Variants in LIPI observed in about 807,000 individuals in gnomAD.
LIPI encodes lipase I, also known as lipase member I.
A neutral mutation model predicts 50.6 loss-of-function variants in LIPI; 59 were observed. The ratio of observed to expected loss-of-function variants is 1.16; its 90% CI spans 0.94 to 1.45. The LOEUF is 1.45. Ranked by LOEUF, LIPI falls within the 40% of genes most tolerant of loss-of-function variation. The pLI is 0.00. For missense variants in LIPI, 586 were observed against 536.3 expected (o/e 1.09, Z -0.92); for synonymous variants, 203 against 178.2 (o/e 1.14, Z -1.11).
intron 9 of LIPI, among the ~76,000 whole-genome samples, chr21:14,142,418 T>G (rs550238755): frequency 6.7e-6 from 1 of 150,336 alleles, no homozygotes; most frequent in Non-Finnish European, 1.5e-5. Flanking sequence ...ATGGCTTAAT[T>G]ATAGATTATA....
Position 14,128,163 on chromosome 21 carries a change from A to T in LIPI, c.1295+16460T>A, listed in dbSNP as rs552984928. ...ACTGTGTCATATAATGTAAAAAATT[A>T]AATGCATGTTTCAACTGTAACATAT... On this transcript the variant is annotated intron_variant, in intron 9 of 9. Transcript: ENST00000681601. Among the ~76,000 whole-genome samples, 6 of 152,218 alleles carry T rather than the reference A, an allele frequency of 3.9e-5. No individual in the cohort carries two copies. The South Asian group carries it at 1.2e-3, about 32-fold the overall frequency.
intron 1 of LIPI, among the ~76,000 whole-genome samples, chr21:14,193,688 A>G (rs188923601): frequency 1.3e-5 from 2 of 152,124 alleles, no homozygotes; most frequent in African/African-American, 4.8e-5. Flanking sequence ...AGAAGAAAAC[A>G]AGGGGGAAAC....
At chr21:14,113,774 T>C (rs1046506003) in intron 9 of LIPI, among the ~76,000 whole-genome samples, 1 of 152,206 alleles carries the variant, frequency 6.6e-6, no homozygotes, top group Non-Finnish European at 1.5e-5. Context: ...TGTAATTGAC[T>C]CACAGTTCAG....
At chr21:14,120,270 C>A (rs2016813334) in intron 9 of LIPI, among the ~76,000 whole-genome samples, 1 of 152,190 alleles carries the variant, frequency 6.6e-6, no homozygotes, top group African/African-American at 2.4e-5. Context: ...GCTCGGTGGC[C>A]AAGGCCCGCC....
intron 9 of LIPI, among the ~76,000 whole-genome samples, chr21:14,111,166 GT>G (rs1273067043): frequency 6.6e-6 from 1 of 151,802 alleles, no homozygotes; most frequent in Admixed American, 6.6e-5. Context: ...TTTCCAAACT[GT>G]TTTTCCTAAC....
At chr21:14,164,785 T>C (rs75644087) in intron 6 of LIPI, among the ~76,000 whole-genome samples, 1 of 152,218 alleles carries the variant, frequency 6.6e-6, no homozygotes, top group African/African-American at 2.4e-5. Flanking sequence ...CCATGTTTCA[T>C]GTCTACTTGG....
intron 1 of LIPI, among the ~76,000 whole-genome samples, chr21:14,204,000 G>A (rs1568887218): frequency 1.3e-5 from 2 of 151,674 alleles, no homozygotes; most frequent in East Asian, 3.9e-4. Flanking sequence ...AAAACCAAAT[G>A]CCACATGTTC....
chr21:14,163,367 G>A, intron 7 of LIPI, 52 bp downstream of exon 7: 1 of 847,486 alleles, frequency 1.2e-6, no homozygotes, highest in East Asian at 2.4e-5. Flanking sequence ...ATGTAGATTA[G>A]TGCAAAAAAA....
chr21:14,202,832 T>C lies in LIPI; in HGVS notation c.46+7968A>G, dbSNP rs1185549027. Among the ~76,000 whole-genome samples the C allele has an allele frequency of 9.9e-5, 15 of 151,534 alleles. No homozygotes were observed. The East Asian group carries it at 2.9e-3, about 29-fold the overall frequency. On this transcript the variant is annotated intron_variant, in intron 1 of 9. Coordinates refer to ENST00000681601, the MANE Select transcript of LIPI (RefSeq NM_001302998.2). ...GGCAACAAAAGCCAAAACTGACAAA[T>C]GGGATCTAATTAAACTAAAGAGCTT...
At chr21:14,207,815 T>C (rs2020265217) in intron 1 of LIPI, among the ~76,000 whole-genome samples, 1 of 152,240 alleles carries the variant, frequency 6.6e-6, no homozygotes. Flanking sequence ...CAGTGGATTA[T>C]TCTAACCTAA....
intron 8 of LIPI, among the ~76,000 whole-genome samples, chr21:14,145,879 C>A (rs1378311067): frequency 6.6e-6 from 1 of 152,110 alleles, no homozygotes; most frequent in Non-Finnish European, 1.5e-5. Context: ...TGATTCCTTG[C>A]AGCAGTTAGA....
At chr21:14,159,705 T>C (rs2018397364) in intron 7 of LIPI, among the ~76,000 whole-genome samples, 1 of 151,430 alleles carries the variant, frequency 6.6e-6, no homozygotes, top group Non-Finnish European at 1.5e-5. Flanking sequence ...AAAGCATTCT[T>C]ATTTGCAGAA....
intron 9 of LIPI, among the ~76,000 whole-genome samples, chr21:14,134,699 C>G (rs1359631647): frequency 6.6e-6 from 1 of 152,028 alleles, no homozygotes. Flanking sequence ...AAAAGGACAG[C>G]CAATTCAATA....
chr21:14,108,842 ATTTTC>A lies in LIPI; in HGVS notation c.*146_*150del, dbSNP rs1466962759. ...GAATGTTTAACTGTATGCATTTTTTATTTTCTTTATTTTTGATTCTTAAAATTTTT... is the reference window on the plus strand; with the variant it reads ...GAATGTTTAACTGTATGCATTTTTTATTTATTTTTGATTCTTAAAATTTTT... On this transcript the variant is annotated 3_prime_UTR_variant, in exon 10 of 10. Coordinates refer to ENST00000681601, the MANE Select transcript of LIPI (RefSeq NM_001302998.2). 5.7e-6 allele frequency: 5 copies of A among 880,610 alleles called. No homozygotes were observed. The East Asian group carries it at 1.3e-4, about 24-fold the overall frequency. The allele number at this position is 880,610 out of a possible 1,614,324, so 54.5% of individuals were successfully genotyped here. A position where few individuals can be genotyped will look rare whatever the true frequency, so the allele number is the denominator to read the frequency against.
chr21:14,175,611 T>C (rs1360815539), intron 4 of LIPI, among the ~76,000 whole-genome samples: 8 of 152,196 alleles, frequency 5.3e-5, no homozygotes, highest in Admixed American at 1.3e-4. Flanking sequence ...ATATTATTCA[T>C]TATCCCAGTG....
chr21:14,127,354 G>A (rs1040954263), intron 9 of LIPI, among the ~76,000 whole-genome samples: 7 of 152,152 alleles, frequency 4.6e-5, no homozygotes, highest in African/African-American at 1.7e-4. Flanking sequence ...AGCATACATT[G>A]ATCCAAACAT....
intron 8 of LIPI, among the ~76,000 whole-genome samples, chr21:14,147,066 C>A (rs1374594519): frequency 6.6e-6 from 1 of 152,068 alleles, no homozygotes; most frequent in African/African-American, 2.4e-5. Context: ...CGTGAGCCAC[C>A]ATGCCCAGCC....
intron 7 of LIPI, among the ~76,000 whole-genome samples, chr21:14,160,839 T>G (rs1169628104): frequency 6.6e-6 from 1 of 151,282 alleles, no homozygotes; most frequent in Non-Finnish European, 1.5e-5. Flanking sequence ...AAGACACGAA[T>G]ACACATTTCA....
intron 9 of LIPI, among the ~76,000 whole-genome samples, chr21:14,110,820 T>C (rs2016377137): frequency 6.6e-6 from 1 of 151,424 alleles, no homozygotes; most frequent in Non-Finnish European, 1.5e-5. Context: ...TCCTTCTTTA[T>C]TATGTCTGAA....
Sources: allele counts gnomAD v4.1 joint callset (sites outside exome capture counted in the v4.1 genomes callset), GRCh38; gene constraint gnomAD v4.1.1; transcripts MANE v1.5; gene names NCBI Gene and HGNC (gene_info 2026-07-23, HGNC 2026-07-21).